ANO8: variants seen among roughly 807,000 people sequenced by gnomAD.
ANO8 encodes anoctamin 8, also known as anoctamin-8.
Under a neutral mutation model 120.4 loss-of-function variants are expected in ANO8, and 67 were observed. That is an observed-to-expected ratio of 0.56 (90% CI 0.46 to 0.68). The LOEUF (loss-of-function observed/expected upper bound fraction) is 0.68. Ranked by LOEUF, ANO8 falls within the 30% of genes least tolerant of loss-of-function variation. The pLI is 0.00. For synonymous variants in ANO8, 727 were observed against 759.2 expected (o/e 0.96, Z 0.70); for missense variants, 1,526 against 1,737.6 (o/e 0.88, Z 2.16).
intron 17 of ANO8, among the ~76,000 whole-genome samples, chr19:17,324,287 A>T (rs2074258321): frequency 6.6e-6 from 1 of 152,032 alleles, no homozygotes; most frequent in Non-Finnish European, 1.5e-5. Flanking sequence ...GGGCAGCCCC[A>T]GCCCCACCTC....
intron 16 of ANO8, among the ~76,000 whole-genome samples, chr19:17,326,467 T>G (rs1351470076): frequency 2.6e-5 from 4 of 152,120 alleles, no homozygotes; most frequent in Non-Finnish European, 5.9e-5. Context: ...CTGCACTCCA[T>G]GCACTCCAGC....
In ANO8 at chr19:17,323,254, T is replaced by C; in HGVS notation, c.*263A>G. On this transcript the variant is annotated 3_prime_UTR_variant, in exon 18 of 18. Coordinates refer to ENST00000159087, the MANE Select transcript of ANO8 (RefSeq NM_020959.3). ...TGAAATATAGTTTTTATTGCATTTC[T>C]GCCGTTTTACAAAAATATGACAAAA... 4.0e-6 allele frequency: 1 copy of C among 249,862 alleles called. No homozygotes were observed. The highest frequency in any genetic ancestry group is 7.7e-6 in the Non-Finnish European group (1 of 130,418). 15.5% of individuals were successfully genotyped at this position (249,862 alleles called of 1,614,324 possible). A position where few individuals can be genotyped will look rare whatever the true frequency, so the allele number is the denominator to read the frequency against.
chr19:17,326,439 T>G (rs2074274112), intron 16 of ANO8, among the ~76,000 whole-genome samples: 1 of 151,994 alleles, frequency 6.6e-6, no homozygotes, highest in Admixed American at 6.6e-5. Context: ...GAGATTGCGG[T>G]GAGCCGAGAT....
Position 17,327,359 on chromosome 19 carries a change from A to G in ANO8, c.2551-14T>C. The G allele has an allele frequency of 6.5e-7, 1 of 1,549,820 alleles. No homozygotes were observed. Among genetic ancestry groups the G allele is most frequent in the Non-Finnish European group, 8.7e-7 (1 of 1,145,556 alleles). On this transcript the variant is annotated splice_polypyrimidine_tract_variant and intron_variant, in intron 15 of 17. Transcript: ENST00000159087. ...CAGAGCGAAGTGCTGCAGGGGTGGC[A>G]GAGAGGAGGCTGCAGGCTGCAGACG...
Position 17,334,662 on chromosome 19 carries a change from C to G in ANO8, c.9G>C (p.Glu3Asp), listed in dbSNP as rs2074349276. MA[E>D]AASGAGGTSL... ...ACGTGCCCCCGGCGCCGGAGGCGGC[C>G]TCGGCCATGGCGAGGACAGGTCAGG... The change falls in exon 1 of 18, where the codon GAG (glutamate) becomes GAC (aspartate). Residue 3 changes from glutamate to aspartate, a missense_variant. Transcript: ENST00000159087. 1 of 1,470,236 alleles carries G rather than the reference C, an allele frequency of 6.8e-7. No homozygotes were observed. Among genetic ancestry groups the G allele is most frequent in the South Asian group, 1.3e-5 (1 of 75,402 alleles). 91.1% of individuals were successfully genotyped at this position (1,470,236 alleles called of 1,614,324 possible).
In ANO8 at chr19:17,325,350, G is replaced by C; in HGVS notation, c.2698C>G (p.Gln900Glu). 1 of 1,598,134 alleles carries C rather than the reference G, an allele frequency of 6.3e-7. No individual in the cohort carries two copies. The highest frequency in any genetic ancestry group is 8.5e-7 in the Non-Finnish European group (1 of 1,177,100). ...ERQAQHRYQQ[Q>E]QRRRREEEER... Reference sequence around the variant, plus strand: ...TCCTCCTCCCGCCGCCTGCGCTGCTGCTGCTGGTAGCGATGCTGGGCCTGG... The same window carrying C: ...TCCTCCTCCCGCCGCCTGCGCTGCTCCTGCTGGTAGCGATGCTGGGCCTGG... Residue 900 changes from glutamine (Q) to glutamate (E), a missense_variant, in exon 17 of 18, where the codon CAG (glutamine) becomes GAG (glutamate). Physicochemically the swap from Gln to Glu is conservative, Grantham distance 29. Coordinates refer to ENST00000159087, the MANE Select transcript of ANO8 (RefSeq NM_020959.3).
At position 17,323,759 on chromosome 19, in the gene ANO8, C is replaced by G. The variant is rs2074254231; in HGVS notation, c.3457G>C (p.Gly1153Arg). The change falls in exon 18 of 18, where the codon GGG (glycine) becomes CGG (arginine). Residue 1153 changes from glycine (G) to arginine (R), a missense_variant. By Grantham distance (125) the Gly-to-Arg change is moderately radical (BLOSUM62 -2). Transcript: ENST00000159087. Reference protein sequence around the residue: ...TPPAGCWQWDGPWGCGGEGAA... With the variant: ...TPPAGCWQWDRPWGCGGEGAA... ...CCCTCGCCCCCGCAGCCCCAGGGCC[C>G]GTCCCACTGCCAGCAGCCTGCGGGC... The G allele has an allele frequency of 8.4e-7, 1 of 1,192,922 alleles. No homozygotes were observed. Among genetic ancestry groups the G allele is most frequent in the Admixed American group, 4.5e-5 (1 of 22,392 alleles). 73.9% of individuals were successfully genotyped at this position (1,192,922 alleles called of 1,614,324 possible). A position where few individuals can be genotyped will look rare whatever the true frequency, so the allele number is the denominator to read the frequency against.
intron 5 of ANO8, among the ~76,000 whole-genome samples, chr19:17,332,697 A>G (rs1218068279): frequency 1.3e-5 from 2 of 152,130 alleles, no homozygotes; most frequent in Non-Finnish European, 2.9e-5. Context: ...CTGGTTGGAC[A>G]TAAGCCCTGA....
chr19:17,329,281 C>A (rs907878814), intron 12 of ANO8: 13 of 395,906 alleles, frequency 3.3e-5, no homozygotes, highest in Middle Eastern at 6.5e-4. Context: ...GCCGCCTGCA[C>A]CTGCTTGCTG....
At position 17,328,317 on chromosome 19, in the gene ANO8, GC is replaced by G; in HGVS notation, c.2070del (p.Asp692ThrfsTer47). 6.3e-7 allele frequency: 1 copy of G among 1,596,728 alleles called. No individual in the cohort carries two copies. Reference sequence around the variant, plus strand: ...GGTTCCGGGTCCGGGCCCCCGTCGGGCCCCTGGTCTCGGCCCTCGCCCCCGG... The same window carrying G: ...GGTTCCGGGTCCGGGCCCCCGTCGGGCCCTGGTCTCGGCCCTCGCCCCCGG... ...RRAGGEGRDQ[G>X]PDGGPDPEPG... On this transcript the variant is annotated frameshift_variant, in exon 13 of 18. Coordinates refer to ENST00000159087, the MANE Select transcript of ANO8 (RefSeq NM_020959.3). LOFTEE classifies it high-confidence loss of function.
At position 17,333,340 on chromosome 19, in the gene ANO8, C is replaced by A; in HGVS notation, c.350+82G>T. ...GGCAGCCTTTGGGACAAACGCAGGG[C>A]GGCTGGATAGCATGGTTGGCACTTG... On this transcript the variant is annotated intron_variant, in intron 3 of 17. Transcript: ENST00000159087. This position sits in a 1 kb window ranked among gnomAD's most constrained non-coding sequence, Gnocchi z 7.2. 2 of 1,607,048 alleles carry A rather than the reference C, an allele frequency of 1.2e-6. No homozygotes were observed. Among genetic ancestry groups the A allele is most frequent in the South Asian group, 1.1e-5 (1 of 90,796 alleles).
Position 17,334,664 on chromosome 19 carries a change from C to G in ANO8, c.7G>C (p.Glu3Gln), listed in dbSNP as rs1437168749. MA[E>Q]AASGAGGTSL... ...GTGCCCCCGGCGCCGGAGGCGGCCT[C>G]GGCCATGGCGAGGACAGGTCAGGTC... The change falls in exon 1 of 18, where the codon GAG becomes CAG. Residue 3 changes from glutamate (E) to glutamine (Q), a missense_variant. Around this residue, in one of 8 missense-constraint regions of ANO8, gnomAD observed 53 missense variants for 45.0 expected, o/e 1.18. Transcript: ENST00000159087. 4 of 1,467,120 alleles carry G rather than the reference C, an allele frequency of 2.7e-6. No homozygotes were observed. Among genetic ancestry groups the G allele is most frequent in the Non-Finnish European group, 3.6e-6 (4 of 1,117,944 alleles). 90.9% of individuals were successfully genotyped at this position (1,467,120 alleles called of 1,614,324 possible). A position where few individuals can be genotyped will look rare whatever the true frequency, so the allele number is the denominator to read the frequency against.
At position 17,328,639 on chromosome 19, in the gene ANO8, C is replaced by G; in HGVS notation, c.1749G>C (p.Glu583Asp). Residue 583 changes from glutamate to aspartate, a missense_variant, in exon 13 of 18, where the codon GAG (glutamate) becomes GAC (aspartate). This residue lies in a region of ANO8 where 467 missense variants were observed against 425.8 expected (regional missense o/e 1.10). Transcript: ENST00000159087. ...EGDGPPGGKE[E>D]DEDDEEEEDE... ...CCTCCTCCTCCTCGTCGTCCTCGTC[C>G]TCCTCCTTGCCCCCTGGAGGCCCGT... 6.6e-7 allele frequency: 1 copy of G among 1,525,602 alleles called. No individual in the cohort carries two copies. The highest frequency in any genetic ancestry group is 8.8e-7 in the Non-Finnish European group (1 of 1,133,580). 94.5% of individuals were successfully genotyped at this position (1,525,602 alleles called of 1,614,324 possible).
chr19:17,331,040 G>A (rs145993921), intron 7 of ANO8, 48 bp downstream of exon 7: 325 of 1,613,666 alleles, frequency 2.0e-4, no homozygotes, highest in Non-Finnish European at 2.1e-4. Flanking sequence ...GTCCAGAAAG[G>A]AGGGCGCCTC....
chr19:17,328,796 T>C lies in ANO8; in HGVS notation c.1592A>G (p.Asp531Gly). 1 of 1,369,644 alleles carries C rather than the reference T, an allele frequency of 7.3e-7. No individual in the cohort carries two copies. The highest frequency in any genetic ancestry group is 1.7e-5 in the South Asian group (1 of 58,936). The allele number at this position is 1,369,644 out of a possible 1,614,324, so 84.8% of individuals were successfully genotyped here. A position where few individuals can be genotyped will look rare whatever the true frequency, so the allele number is the denominator to read the frequency against. The change falls in exon 13 of 18, where the codon GAT becomes GGT. Residue 531 changes from aspartate to glycine, a missense_variant. Around this residue, in one of 8 missense-constraint regions of ANO8, gnomAD observed 467 missense variants for 425.8 expected, o/e 1.10. Coordinates refer to ENST00000159087, the MANE Select transcript of ANO8 (RefSeq NM_020959.3). ...PAPRRLEPQA[D>G]EGGGGGSGGG... is the part of the protein sequence containing the mutation. Reference sequence around the variant, plus strand: ...CCCGCTGCCGCCGCCCCCGCCCTCATCCGCCTGGGGTTCGAGGCGGCGGGG... The same window carrying C: ...CCCGCTGCCGCCGCCCCCGCCCTCACCCGCCTGGGGTTCGAGGCGGCGGGG...
chr19:17,333,254 G>A lies in ANO8; in HGVS notation c.351-15C>T, dbSNP rs1429732049. On this transcript the variant is annotated splice_polypyrimidine_tract_variant and intron_variant, in intron 3 of 17. Transcript: ENST00000159087. The surrounding 1 kb of genome is among the most constrained non-coding windows in gnomAD (Gnocchi z 7.2). Reference sequence around the variant, plus strand: ...CTCGGAGTAGGCTGTGAAGAAGGCGGAGGAGGTGGGCTCACAGGGAGGCCC... The same window carrying A: ...CTCGGAGTAGGCTGTGAAGAAGGCGAAGGAGGTGGGCTCACAGGGAGGCCC... 7 of 1,605,750 alleles carry A rather than the reference G, an allele frequency of 4.4e-6. No homozygotes were observed. Among genetic ancestry groups the A allele is most frequent in the Non-Finnish European group, 6.0e-6 (7 of 1,174,518 alleles).
intron 16 of ANO8, 60 bp downstream of exon 16, chr19:17,327,175 A>G (rs1282828380): frequency 1.4e-6 from 2 of 1,395,736 alleles, no homozygotes; most frequent in Non-Finnish European, 1.9e-6. Context: ...GGCCACCAAG[A>G]TCAGAGATCC....
At chr19:17,329,274 G>T in intron 12 of ANO8, 2 of 401,278 alleles carry the variant, frequency 5.0e-6, no homozygotes, top group Admixed American at 4.5e-5. Context: ...GCCCCCAGCC[G>T]CCTGCACCTG....
intron 1 of ANO8, 114 bp downstream of exon 1, chr19:17,334,451 C>A: frequency 1.0e-6 from 1 of 975,840 alleles, no homozygotes; most frequent in Non-Finnish European, 1.5e-6. Context: ...GGAGCCGGCC[C>A]CTCGTCCAGA....
Sources: gnomAD v4.1 joint callset for allele counts (sites outside exome capture counted in the v4.1 genomes callset) on GRCh38, gnomAD v4.1.1 for gene constraint, gnomAD v4.1.1 regional missense constraint, Gnocchi (gnomAD v3.1) non-coding constraint, MANE v1.5 for transcripts, NCBI Gene and HGNC (gene_info 2026-07-23, HGNC 2026-07-21) for gene names.